ATP11B: variants seen among roughly 807,000 people sequenced by gnomAD.
ATP11B encodes ATPase phospholipid transporting 11B (putative), also known as phospholipid-transporting ATPase IF.
Under a neutral mutation model 157.8 loss-of-function variants are expected in ATP11B, and 81 were observed. That is an observed-to-expected ratio of 0.51 (90% CI 0.43 to 0.62). ATP11B has a LOEUF of 0.62. Among genes scored for constraint, ATP11B ranks in the 20% least tolerant of loss-of-function variants. The probability of loss-of-function intolerance (pLI) is 0.00; values close to 1 mark genes in which losing one functional copy is unlikely to be tolerated. For synonymous variants in ATP11B, 451 were observed against 469.4 expected (o/e 0.96, Z 0.51); for missense variants, 1,165 against 1,402.2 (o/e 0.83, Z 2.70).
chr3:182,863,796 A>G (rs1026729124), intron 12 of ATP11B, among the ~76,000 whole-genome samples: 4 of 151,950 alleles, frequency 2.6e-5, no homozygotes, highest in African/African-American at 9.7e-5. Flanking sequence ...TCCATGACTG[A>G]TAGTGCAGTC....
intron 1 of ATP11B, among the ~76,000 whole-genome samples, chr3:182,802,121 T>C (rs1252783771): frequency 6.6e-6 from 1 of 152,232 alleles, no homozygotes; most frequent in Non-Finnish European, 1.5e-5. Context: ...ATCTAAGTGT[T>C]TGGGGAGCAA....
chr3:182,810,562 C>T (rs112383322), intron 1 of ATP11B, among the ~76,000 whole-genome samples: 1 of 151,998 alleles, frequency 6.6e-6, no homozygotes, highest in African/African-American at 2.4e-5. Flanking sequence ...TGTGCATCTT[C>T]CTCCCACCCT....
At chr3:182,837,305 C>A in intron 7 of ATP11B, 131 bp downstream of exon 7, 1 of 592,028 alleles carries the variant, frequency 1.7e-6, no homozygotes, top group Non-Finnish European at 2.8e-6. Flanking sequence ...GTGGGAGATG[C>A]AATTAATGGT....
At chr3:182,879,783 T>C (rs1722293365) in intron 20 of ATP11B, 134 bp downstream of exon 20, 4 of 739,018 alleles carry the variant, frequency 5.4e-6, no homozygotes, top group Non-Finnish European at 2.0e-6. Context: ...TCACATCTCA[T>C]GTTGTAAATT....
intron 28 of ATP11B, among the ~76,000 whole-genome samples, chr3:182,899,079 T>C (rs1723766856): frequency 6.6e-6 from 1 of 151,834 alleles, no homozygotes; most frequent in South Asian, 2.1e-4. Flanking sequence ...TAAAGTAATA[T>C]CACAGCATTC....
intron 25 of ATP11B, among the ~76,000 whole-genome samples, chr3:182,895,481 G>T (rs1723486781): frequency 6.6e-6 from 1 of 152,190 alleles, no homozygotes; most frequent in African/African-American, 2.4e-5. Context: ...TGAAGAAAGT[G>T]AGATATAGAG....
rs982057451 is a variant in ATP11B at position 182,865,488 on chromosome 3, A to G, written c.1233A>G (p.Thr411=). The change falls in exon 13 of 30, where the codon ACA becomes ACG. Residue 411 remains threonine, a synonymous_variant. Transcript: ENST00000323116. ...ACGTGTTTACAGATAAAACTGGTAC[A>G]CTGACAGAAAATGAGATGCAGTTTC... is the stretch of plus-strand genomic sequence containing the variant. The part of the protein sequence containing the change: ...VEYVFTDKTG[T]LTENEMQFRE... The G allele has an allele frequency of 6.2e-6, 10 of 1,613,482 alleles. No homozygotes were observed. In the African/African-American group the frequency reaches 8.0e-5, roughly 13 times the overall value.
Position 182,837,112 on chromosome 3 carries a change from T to C in ATP11B, c.594T>C (p.Val198=). 6.2e-7 allele frequency: 1 copy of C among 1,613,526 alleles called. No individual in the cohort carries two copies. The highest frequency in any genetic ancestry group is 1.1e-5 in the South Asian group (1 of 91,038). Residue 198 remains valine (V), a synonymous_variant, in exon 7 of 30, where the codon GTT becomes GTC. Transcript: ENST00000323116. ...CAGAAACAGCATTATTACAAACAGT[T>C]GCCAATTTGGACACTCTAGTAGCTG... The part of the protein sequence containing the change: ...AVPETALLQT[V]ANLDTLVAVI...
At chr3:182,819,367 G>A (rs754334257) in intron 1 of ATP11B, among the ~76,000 whole-genome samples, 2 of 152,052 alleles carry the variant, frequency 1.3e-5, no homozygotes, top group South Asian at 2.1e-4. Flanking sequence ...CAGCGCGCCC[G>A]GCGTCTTTTT....
At position 182,869,115 on chromosome 3, in the gene ATP11B, C is replaced by T; in HGVS notation, c.1726C>T (p.Arg576Cys). Residue 576 changes from arginine to cysteine, a missense_variant, in exon 16 of 30, where the codon CGT (arginine) becomes TGT (cysteine). Arg to Cys is a radical substitution (Grantham distance 180, BLOSUM62 -3). Coordinates refer to ENST00000323116, the MANE Select transcript of ATP11B (RefSeq NM_014616.3). ...TCATATTCTGGAATTTGATTCAGAT[C>T]GTAGGAGAATGAGTGTAATTGTTCA... ...LLHILEFDSD[R>C]RRMSVIVQAP... 1 of 1,611,186 alleles carries T rather than the reference C, an allele frequency of 6.2e-7. No individual in the cohort carries two copies. Among genetic ancestry groups the T allele is most frequent in the Non-Finnish European group, 8.5e-7 (1 of 1,178,574 alleles).
chr3:182,871,827 T>C (rs113822459), intron 17 of ATP11B, among the ~76,000 whole-genome samples: 1 of 152,146 alleles, frequency 6.6e-6, no homozygotes, highest in African/African-American at 2.4e-5. Flanking sequence ...AACTTTTTTT[T>C]TTTTTTGAGA....
intron 19 of ATP11B, among the ~76,000 whole-genome samples, chr3:182,878,241 GA>G (rs1209687834): frequency 6.6e-6 from 1 of 152,138 alleles, no homozygotes; most frequent in Non-Finnish European, 1.5e-5. Context: ...TTTAACTTAC[GA>G]AAGTTTCTTA....
intron 1 of ATP11B, among the ~76,000 whole-genome samples, chr3:182,816,806 C>G (rs1459116679): frequency 6.6e-6 from 1 of 152,186 alleles, no homozygotes; most frequent in Non-Finnish European, 1.5e-5. Context: ...CAGGGATTCA[C>G]AGAACTAAAG....
chr3:182,841,068 T>G (rs559616285), intron 7 of ATP11B, among the ~76,000 whole-genome samples: 54 of 152,158 alleles, frequency 3.5e-4, no homozygotes, highest in African/African-American at 1.2e-3. Flanking sequence ...CTGACCTCCT[T>G]AGTTTTCCTT....
chr3:182,900,438 G>A (rs1723873802), intron 28 of ATP11B, among the ~76,000 whole-genome samples: 1 of 152,148 alleles, frequency 6.6e-6, no homozygotes, highest in South Asian at 2.1e-4. Context: ...ATGTTGCTCT[G>A]TTATACTGAT....
Position 182,815,598 on chromosome 3 carries a change from A to G in ATP11B, c.28-4662A>G, listed in dbSNP as rs940400254. ...AAAATTCTGTTCATTTATTTTAATA[A>G]CCTAATACAGTTTTGACCCTGAAGC... is the stretch of plus-strand genomic sequence containing the variant. On this transcript the variant is annotated intron_variant, in intron 1 of 29. Transcript: ENST00000323116. 3.3e-5 allele frequency among the ~76,000 whole-genome samples: 5 copies of G among 152,194 alleles called. No individual in the cohort carries two copies. In the South Asian group the frequency reaches 1.0e-3, roughly 32 times the overall value.
intron 1 of ATP11B, among the ~76,000 whole-genome samples, chr3:182,799,221 C>T (rs1464464116): frequency 6.6e-6 from 1 of 152,048 alleles, no homozygotes; most frequent in East Asian, 1.9e-4. Flanking sequence ...TAGATTTAGC[C>T]ATGCTGTTTA....
At chr3:182,828,755 T>A (rs1717905749) in intron 3 of ATP11B, among the ~76,000 whole-genome samples, 1 of 151,774 alleles carries the variant, frequency 6.6e-6, no homozygotes, top group Non-Finnish European at 1.5e-5. Flanking sequence ...GACAGTTTCT[T>A]AATTTTCACC....
At chr3:182,914,432 A>G (rs1254689009) in intron 29 of ATP11B, 24 of 985,502 alleles carry the variant, frequency 2.4e-5, no homozygotes, top group Non-Finnish European at 2.6e-5. Flanking sequence ...CTTACTCTGT[A>G]TGTATATTTT....
Sources: allele counts gnomAD v4.1 joint callset (sites outside exome capture counted in the v4.1 genomes callset), GRCh38; gene constraint gnomAD v4.1.1; transcripts MANE v1.5; gene names NCBI Gene and HGNC (gene_info 2026-07-23, HGNC 2026-07-21).